The following PDE1C variants were observed in gnomAD, a reference collection of about 807,000 sequenced individuals.
The protein encoded by PDE1C is dual specificity calcium/calmodulin-dependent 3',5'-cyclic nucleotide phosphodiesterase 1C.
A neutral mutation model predicts 93.1 loss-of-function variants in PDE1C; 62 were observed. That is an observed-to-expected ratio of 0.67 (90% CI 0.54 to 0.82). The LOEUF (loss-of-function observed/expected upper bound fraction) is 0.82. Among genes scored for constraint, PDE1C ranks in the 40% least tolerant of loss-of-function variants. PDE1C has a pLI of 0.00. For missense variants in PDE1C, 742 were observed against 884.6 expected (o/e 0.84, Z 2.04); for synonymous variants, 325 against 310.1 (o/e 1.05, Z -0.50).
chr7:31,639,277 T>G, the PDE1C span, among the ~76,000 whole-genome samples: 3 of 152,144 alleles, frequency 2.0e-5, no homozygotes, highest in Admixed American at 1.3e-4. Flanking sequence ...TTTTAAAAAG[T>G]ATTTTCTTTT....
At chr7:31,835,551 T>TGTGTGCGTGC (rs1554358117) in intron 11 of PDE1C, among the ~76,000 whole-genome samples, 1 of 151,832 alleles carries the variant, frequency 6.6e-6, no homozygotes, top group Non-Finnish European at 1.5e-5. Flanking sequence ...TGTGTGTGTG[T>TGTGTGCGTGC]GTGTGCGTGC....
chr7:32,063,626 A>C (rs1666578408), intron 1 of PDE1C, among the ~76,000 whole-genome samples: 1 of 152,252 alleles, frequency 6.6e-6, no homozygotes, highest in Admixed American at 6.5e-5. Flanking sequence ...AGTAAAGAAA[A>C]TTTCACTGTA....
upstream of PDE1C, chr7:32,071,147 G>A: frequency 4.1e-6 from 4 of 985,336 alleles, no homozygotes; most frequent in Non-Finnish European, 4.8e-6. Context: ...ACTCACCCCC[G>A]CAGGGCAGCC....
chr7:31,914,672 T>C (rs1470810786), intron 2 of PDE1C, among the ~76,000 whole-genome samples: 1 of 152,208 alleles, frequency 6.6e-6, no homozygotes, highest in Non-Finnish European at 1.5e-5. Context: ...ATATAAGACA[T>C]TGCCTCAAGA....
intron 2 of PDE1C, among the ~76,000 whole-genome samples, chr7:31,930,729 G>C (rs1398127355): frequency 6.6e-6 from 1 of 151,140 alleles, no homozygotes; most frequent in Non-Finnish European, 1.5e-5. Context: ...CACACCTGTA[G>C]TCCCAGCTAC....
chr7:32,302,621 A>G (rs1812907145), upstream of PDE1C, among the ~76,000 whole-genome samples: 1 of 152,270 alleles, frequency 6.6e-6, no homozygotes, highest in Admixed American at 6.5e-5. Flanking sequence ...GGATTCTACT[A>G]CATGTCTCTA....
chr7:31,827,915 C>T (rs1789894078), intron 12 of PDE1C, among the ~76,000 whole-genome samples: 1 of 152,094 alleles, frequency 6.6e-6, no homozygotes. Context: ...GTCCTGAAAA[C>T]AGGGCTAGGA....
intron 1 of PDE1C, among the ~76,000 whole-genome samples, chr7:32,265,657 G>A (rs1810519155): frequency 6.6e-6 from 1 of 152,132 alleles, no homozygotes; most frequent in South Asian, 2.1e-4. Flanking sequence ...AAGAAATTAG[G>A]TTTTTCACCA....
At chr7:31,960,140 G>A (rs182484862) in intron 2 of PDE1C, among the ~76,000 whole-genome samples, 3 of 152,192 alleles carry the variant, frequency 2.0e-5, no homozygotes, top group Non-Finnish European at 2.9e-5. Flanking sequence ...CTCCCAAAGT[G>A]CTGGGATGAC....
At chr7:31,918,320 T>C (rs1353241944) in intron 2 of PDE1C, among the ~76,000 whole-genome samples, 1 of 152,220 alleles carries the variant, frequency 6.6e-6, no homozygotes, top group Non-Finnish European at 1.5e-5. Flanking sequence ...ACTACACGAA[T>C]AAAATTTGCA....
chr7:32,225,246 A>G (rs563126567), intron 1 of PDE1C, among the ~76,000 whole-genome samples: 62 of 152,250 alleles, frequency 4.1e-4, no homozygotes, highest in African/African-American at 1.5e-3. Flanking sequence ...AATGCCCATT[A>G]TAAACCTTCA....
the PDE1C span, among the ~76,000 whole-genome samples, chr7:31,656,744 T>C: frequency 6.6e-6 from 1 of 152,146 alleles, no homozygotes; most frequent in Non-Finnish European, 1.5e-5. Context: ...ACTTCATGTG[T>C]GATGGAGGAG....
rs1789177290 is a variant in PDE1C at position 31,823,062 on chromosome 7, T to C, written c.1582+11A>G. The C allele has an allele frequency of 4.4e-6, 7 of 1,604,642 alleles. No individual in the cohort carries two copies. The East Asian group carries it at 1.3e-4, about 31-fold the overall frequency. On this transcript the variant is annotated intron_variant, in intron 14 of 17. Transcript: ENST00000396191. The stretch of plus-strand genomic sequence containing the variant: ...TGCTGAATTGGTTTGGACAGGTCTG[T>C]GGCATGTTACCTTTGGGTACCTTGG...
chr7:32,043,957 T>A (rs1378943283), intron 2 of PDE1C, among the ~76,000 whole-genome samples: 1 of 152,206 alleles, frequency 6.6e-6, no homozygotes, highest in Non-Finnish European at 1.5e-5. Flanking sequence ...ACCTAGTAAC[T>A]ATGACGTTAG....
the PDE1C span, among the ~76,000 whole-genome samples, chr7:31,659,704 G>C: frequency 6.6e-6 from 1 of 152,100 alleles, no homozygotes; most frequent in Non-Finnish European, 1.5e-5. Flanking sequence ...CTCTTTTCTT[G>C]TAGTCTGATG....
At chr7:31,921,502 C>T (rs911450750) in intron 2 of PDE1C, among the ~76,000 whole-genome samples, 10 of 152,162 alleles carry the variant, frequency 6.6e-5, no homozygotes, top group Non-Finnish European at 1.5e-4. Context: ...GGTGTTATTT[C>T]AGGATTCATT....
upstream of PDE1C, among the ~76,000 whole-genome samples, chr7:32,073,961 C>A (rs991675222): frequency 6.6e-6 from 1 of 152,214 alleles, no homozygotes; most frequent in Non-Finnish European, 1.5e-5. Context: ...GGAAACATTA[C>A]ATGGTCAAAC....
At chr7:32,336,474 T>C (rs1444334059) in intron 1 of PDE1C, among the ~76,000 whole-genome samples, 1 of 152,190 alleles carries the variant, frequency 6.6e-6, no homozygotes, top group Non-Finnish European at 1.5e-5. Context: ...AACTAGTGAT[T>C]AGAAACATAA....
chr7:31,694,010 C>T, the PDE1C span, among the ~76,000 whole-genome samples: 2 of 152,094 alleles, frequency 1.3e-5, no homozygotes, highest in Non-Finnish European at 2.9e-5. Context: ...GGAATAGTTT[C>T]TTATACAAAA....
Sources: gnomAD v4.1 joint callset for allele counts (sites outside exome capture counted in the v4.1 genomes callset) on GRCh38, gnomAD v4.1.1 for gene constraint, MANE v1.5 for transcripts, NCBI Gene and HGNC (gene_info 2026-07-23, HGNC 2026-07-21) for gene names.